Variants in FSTL5 observed in about 807,000 individuals in gnomAD.
FSTL5 encodes follistatin like 5, also known as follistatin-related protein 5.
A neutral mutation model predicts 89.1 loss-of-function variants in FSTL5; 62 were observed. The ratio of observed to expected loss-of-function variants is 0.70; its 90% CI spans 0.57 to 0.86. The LOEUF (loss-of-function observed/expected upper bound fraction) is 0.86. Ranked by LOEUF, FSTL5 falls within the 40% of genes least tolerant of loss-of-function variation. The pLI, the probability that FSTL5 is intolerant of heterozygous loss-of-function variation, is 0.00. For synonymous variants in FSTL5, 383 were observed against 346.2 expected (o/e 1.11, Z -1.18); for missense variants, 1,057 against 1,001.6 (o/e 1.06, Z -0.75).
At chr4:161,518,550 T>G (rs1435628372) in intron 10 of FSTL5, among the ~76,000 whole-genome samples, 1 of 152,312 alleles carries the variant, frequency 6.6e-6, no homozygotes, top group East Asian at 1.9e-4. Context: ...TGCTTCACAC[T>G]GCCAGTTTAA....
intron 8 of FSTL5, among the ~76,000 whole-genome samples, chr4:161,553,573 G>A (rs1336209050): frequency 4.0e-5 from 6 of 150,686 alleles, no homozygotes; most frequent in Admixed American, 3.3e-4. Context: ...TGATAGGTTC[G>A]AGTTGAAACT....
chr4:161,820,886 G>A (rs764330504), intron 4 of FSTL5, among the ~76,000 whole-genome samples: 3 of 149,512 alleles, frequency 2.0e-5, no homozygotes, highest in Non-Finnish European at 4.4e-5. Flanking sequence ...ACAACACTTA[G>A]TATTCTTTAA....
chr4:161,437,338 G>A (rs543206404), intron 15 of FSTL5, among the ~76,000 whole-genome samples: 1 of 152,016 alleles, frequency 6.6e-6, no homozygotes, highest in South Asian at 2.1e-4. Context: ...AGGCCGAGGC[G>A]GGCGGATTAC....
At chr4:161,404,312 C>G (rs1417665564) in intron 15 of FSTL5, among the ~76,000 whole-genome samples, 1 of 152,146 alleles carries the variant, frequency 6.6e-6, no homozygotes, top group Admixed American at 6.5e-5. Flanking sequence ...AAAAAATTCT[C>G]AGGAGAGGAT....
intron 4 of FSTL5, among the ~76,000 whole-genome samples, chr4:161,809,850 A>G (rs1730084782): frequency 6.6e-6 from 1 of 152,222 alleles, no homozygotes; most frequent in Non-Finnish European, 1.5e-5. Flanking sequence ...ATAAATTAAT[A>G]TTTAATAGGT....
intron 11 of FSTL5, among the ~76,000 whole-genome samples, chr4:161,509,948 G>A (rs1206136598): frequency 6.6e-6 from 1 of 152,162 alleles, no homozygotes; most frequent in Non-Finnish European, 1.5e-5. Flanking sequence ...AGATCGTGCA[G>A]GGTAACTTGC....
intron 4 of FSTL5, among the ~76,000 whole-genome samples, chr4:161,827,556 GAGAAA>G (rs1371103391): frequency 1.3e-5 from 2 of 152,202 alleles, no homozygotes; most frequent in Non-Finnish European, 2.9e-5. Flanking sequence ...AGGGCTGGTA[GAGAAA>G]GACCATCAGG....
chr4:161,523,900 T>G (rs1731117599), intron 10 of FSTL5, among the ~76,000 whole-genome samples: 1 of 152,142 alleles, frequency 6.6e-6, no homozygotes, highest in African/African-American at 2.4e-5. Flanking sequence ...TAAAAAATAA[T>G]TTTTACCTTT....
intron 4 of FSTL5, among the ~76,000 whole-genome samples, chr4:161,803,215 A>G (rs984676021): frequency 2.0e-5 from 3 of 151,922 alleles, no homozygotes; most frequent in Non-Finnish European, 2.9e-5. Flanking sequence ...CTAGCATAAT[A>G]GGTTCAGGTT....
chr4:162,067,246 T>C (rs949532312), intron 2 of FSTL5, among the ~76,000 whole-genome samples: 2 of 152,064 alleles, frequency 1.3e-5, no homozygotes, highest in African/African-American at 2.4e-5. Flanking sequence ...GTAGAGTGGG[T>C]TGCACCATGT....
intron 6 of FSTL5, among the ~76,000 whole-genome samples, chr4:161,725,666 A>T (rs1264309088): frequency 2.6e-5 from 4 of 152,154 alleles, no homozygotes; most frequent in Non-Finnish European, 4.4e-5. Flanking sequence ...TAAAAAACAT[A>T]AAAGAGTCAA....
chr4:161,518,856 T>C (rs1163515552), intron 10 of FSTL5, among the ~76,000 whole-genome samples: 1 of 152,190 alleles, frequency 6.6e-6, no homozygotes. Context: ...GGGAGGGTTC[T>C]TGCTCAGGGT....
chr4:161,926,403 T>TTTG (rs1281897069), intron 3 of FSTL5, among the ~76,000 whole-genome samples: 14 of 96,692 alleles, frequency 1.4e-4, no homozygotes, highest in Admixed American at 1.2e-3. Context: ...GGTTTTTTTT[T>TTTG]TTTGTTTTGT....
At chr4:161,434,798 T>C (rs1039143620) in intron 15 of FSTL5, among the ~76,000 whole-genome samples, 7 of 151,932 alleles carry the variant, frequency 4.6e-5, no homozygotes, top group African/African-American at 1.5e-4. Context: ...AAAGAAGACA[T>C]ACAAATGGCA....
intron 4 of FSTL5, among the ~76,000 whole-genome samples, chr4:161,810,587 G>A (rs1342177325): frequency 6.6e-6 from 1 of 152,104 alleles, no homozygotes; most frequent in Admixed American, 6.5e-5. Flanking sequence ...ACAAAGCTAG[G>A]TTATGCAGCT....
At chr4:161,421,607 G>C (rs1731994325) in intron 15 of FSTL5, among the ~76,000 whole-genome samples, 1 of 152,176 alleles carries the variant, frequency 6.6e-6, no homozygotes, top group Non-Finnish European at 1.5e-5. Flanking sequence ...TCCCCAGATA[G>C]CTGATTGAAT....
At chr4:161,810,331 T>C (rs1730098830) in intron 4 of FSTL5, among the ~76,000 whole-genome samples, 1 of 152,130 alleles carries the variant, frequency 6.6e-6, no homozygotes, top group Admixed American at 6.6e-5. Flanking sequence ...ACTACTAATA[T>C]TTCAAGTTTT....
At chr4:162,127,797 A>G (rs1243546257) in intron 1 of FSTL5, among the ~76,000 whole-genome samples, 1 of 152,184 alleles carries the variant, frequency 6.6e-6, no homozygotes, top group Non-Finnish European at 1.5e-5. Context: ...ACAAGGGTTG[A>G]CATGTGATTA....
intron 2 of FSTL5, among the ~76,000 whole-genome samples, chr4:162,055,853 A>G (rs1214797974): frequency 6.6e-6 from 1 of 151,920 alleles, no homozygotes; most frequent in Non-Finnish European, 1.5e-5. Context: ...TGGGGAAAGG[A>G]TAAATTATAT....
Sources: gnomAD v4.1 joint callset for allele counts (sites outside exome capture counted in the v4.1 genomes callset) on GRCh38, gnomAD v4.1.1 for gene constraint, MANE v1.5 for transcripts, NCBI Gene and HGNC (gene_info 2026-07-23, HGNC 2026-07-21) for gene names.